The following EP400 variants were observed in gnomAD, a reference collection of about 807,000 sequenced individuals.
EP400 encodes the protein E1A-binding protein p400.
In EP400, 105 loss-of-function variants were observed where a neutral mutation model predicts 354.1. The ratio of observed to expected loss-of-function variants is 0.30; its 90% CI spans 0.25 to 0.35. The LOEUF (loss-of-function observed/expected upper bound fraction) is 0.35. EP400 is among the 10% of genes least tolerant of loss of function. The pLI is 1.00. For missense variants in EP400, 3,280 were observed against 4,121.0 expected (o/e 0.80, Z 5.59); for synonymous variants, 1,646 against 1,716.9 (o/e 0.96, Z 1.02).
At chr12:131,963,432 A>C in intron 2 of EP400, 3 of 815,958 alleles carry the variant, frequency 3.7e-6, no homozygotes, top group Non-Finnish European at 6.0e-6. Flanking sequence ...CCATTTTTAA[A>C]CCCCAAATGT....
intron 13 of EP400, 64 bp downstream of exon 13, chr12:132,005,248 TTAAAA>T (rs1893543372): frequency 8.3e-7 from 1 of 1,200,434 alleles, no homozygotes; most frequent in Non-Finnish European, 1.1e-6. Context: ...TTACAAAGAC[TTAAAA>T]TAAGATTTAG....
Position 131,994,739 on chromosome 12 carries a change from G to A in EP400, c.2738-128G>A, listed in dbSNP as rs1893148058. 1.5e-6 allele frequency: 1 copy of A among 683,652 alleles called. No individual in the cohort carries two copies. The highest frequency in any genetic ancestry group is 3.1e-5 in the Admixed American group (1 of 32,716). 42.3% of individuals were successfully genotyped at this position (683,652 alleles called of 1,614,324 possible). A position where few individuals can be genotyped will look rare whatever the true frequency, so the allele number is the denominator to read the frequency against. On this transcript the variant is annotated intron_variant, in intron 11 of 52. Transcript: ENST00000389561. This position sits in a 1 kb window ranked among gnomAD's most constrained non-coding sequence, Gnocchi z 4.6. Reference sequence around the variant, plus strand: ...CATTTAATTAAATTTAACCTGAGAAGTTTAAAAGCTCAGTTTCAATTTCTG... The same window carrying A: ...CATTTAATTAAATTTAACCTGAGAAATTTAAAAGCTCAGTTTCAATTTCTG...
At chr12:132,015,392 T>C (rs1408913335) in intron 19 of EP400, among the ~76,000 whole-genome samples, 1 of 152,230 alleles carries the variant, frequency 6.6e-6, no homozygotes, top group Non-Finnish European at 1.5e-5. Context: ...TCAGCCTATG[T>C]CAGCTTTGGT....
At chr12:132,051,087 A>G (rs1216548278) in intron 41 of EP400, 1 of 221,336 alleles carries the variant, frequency 4.5e-6, no homozygotes, top group East Asian at 1.1e-4. Context: ...GGATGGGTAC[A>G]GAAGTGGGTA....
At position 132,069,317 on chromosome 12, in the gene EP400, C is replaced by CT. The variant is rs1896000323; in HGVS notation, c.8875-177dup. The CT allele has an allele frequency of 2.1e-5, 18 of 862,226 alleles. No individual in the cohort carries two copies. In the East Asian group the frequency reaches 4.7e-4, roughly 23 times the overall value. 53.4% of individuals were successfully genotyped at this position (862,226 alleles called of 1,614,324 possible). Reference sequence around the variant, plus strand: ...CCATGCCGCATGGGCAGAGGTAGGCCTGGAGGCAGCGGCAGGGATGGGACA... The same window carrying CT: ...CCATGCCGCATGGGCAGAGGTAGGCCTTGGAGGCAGCGGCAGGGATGGGACA... On this transcript the variant is annotated intron_variant, in intron 50 of 52. Transcript: ENST00000389561.
intron 37 of EP400, 69 bp from the exon 38 acceptor site, chr12:132,045,250 T>A: frequency 6.3e-7 from 1 of 1,581,390 alleles, no homozygotes; most frequent in Non-Finnish European, 8.6e-7. Flanking sequence ...ACCTGTTTCC[T>A]TTGTCTTTTG....
intron 19 of EP400, among the ~76,000 whole-genome samples, chr12:132,014,961 C>T (rs1384816660): frequency 1.3e-5 from 2 of 152,214 alleles, no homozygotes; most frequent in Non-Finnish European, 2.9e-5. Flanking sequence ...ATCCTCTGCT[C>T]TGGGTCTCCT....
rs947618454 is a variant in EP400 at position 132,017,174 on chromosome 12, C to T, written c.3924-361C>T. ...GTGTAGGACCAGGCGTCAGAGCTGC[C>T]GAGCGGGTGTGTGAGGGGCTTTACT... is the stretch of plus-strand genomic sequence containing the variant. On this transcript the variant is annotated intron_variant, in intron 19 of 52. Coordinates refer to ENST00000389561, the MANE Select transcript of EP400 (RefSeq NM_015409.5). The surrounding 1 kb of genome is among the most constrained non-coding windows in gnomAD (Gnocchi z 5.0). 2.7e-5 allele frequency among the ~76,000 whole-genome samples: 4 copies of T among 146,960 alleles called. No individual in the cohort carries two copies. The highest frequency in any genetic ancestry group is 1.1e-4 in the African/African-American group (4 of 36,788).
chr12:131,952,164 G>A (rs1271900448), intron 1 of EP400, among the ~76,000 whole-genome samples: 3 of 151,248 alleles, frequency 2.0e-5, no homozygotes, highest in East Asian at 2.0e-4. Flanking sequence ...TTAATCGGGC[G>A]TGGTGGTGGG....
chr12:132,064,800 A>G lies in EP400; in HGVS notation c.8467A>G (p.Ser2823Gly). ...VQTSQPPQQQ[S>G]PQLTTVTAPR... ...GACCTCGCAGCCGCCGCAGCAGCAGAGCCCCCAGCTCACGACGGTCACGGC... is the reference window on the plus strand; with the variant it reads ...GACCTCGCAGCCGCCGCAGCAGCAGGGCCCCCAGCTCACGACGGTCACGGC... The change falls in exon 48 of 53, where the codon AGC becomes GGC. Residue 2823 changes from serine to glycine, a missense_variant. Ser to Gly is a moderately conservative substitution (Grantham distance 56). Coordinates refer to ENST00000389561, the MANE Select transcript of EP400 (RefSeq NM_015409.5). 2 of 1,612,944 alleles carry G rather than the reference A, an allele frequency of 1.2e-6. No individual in the cohort carries two copies. Among genetic ancestry groups the G allele is most frequent in the South Asian group, 2.2e-5 (2 of 91,058 alleles).
Position 132,045,162 on chromosome 12 carries a change from A to G in EP400, c.6785-157A>G, listed in dbSNP as rs78801584. 7.2e-3 allele frequency among the ~76,000 whole-genome samples: 1,089 copies of G among 150,990 alleles called. 35 individuals are homozygous for G. The South Asian group carries it at 0.094, about 13-fold the overall frequency. ...CCTTCGTGTTTCATTCTAATTGACC[A>G]TGAAGGCCCGAAAGCAGGTCTGTCT... On this transcript the variant is annotated intron_variant, in intron 37 of 52. Coordinates refer to ENST00000389561, the MANE Select transcript of EP400 (RefSeq NM_015409.5).
At chr12:132,073,919 G>GTTTTTTTTTTTTTT (rs34186152) in intron 51 of EP400, among the ~76,000 whole-genome samples, 1 of 82,124 alleles carries the variant, frequency 1.2e-5, no homozygotes, top group Non-Finnish European at 2.2e-5. Context: ...GTTTTTTGGG[G>GTTTTTTTTTTTTTT]TTTTTTTTTT....
chr12:131,974,023 C>A (rs1196760774), intron 2 of EP400, among the ~76,000 whole-genome samples: 1 of 146,742 alleles, frequency 6.8e-6, no homozygotes, highest in African/African-American at 2.5e-5. Flanking sequence ...GAGTCTTGCT[C>A]CGTTGCCAGG....
chr12:131,950,924 G>C (rs1891453936), intron 1 of EP400, among the ~76,000 whole-genome samples: 1 of 151,728 alleles, frequency 6.6e-6, no homozygotes, highest in Non-Finnish European at 1.5e-5. Context: ...TTTTGAGAAA[G>C]AGTCTCTCTC....
Position 132,013,675 on chromosome 12 carries a change from T to G in EP400, c.3786+11T>G. On this transcript the variant is annotated intron_variant, in intron 18 of 52. Transcript: ENST00000389561. This position sits in a 1 kb window ranked among gnomAD's most constrained non-coding sequence, Gnocchi z 4.5. The stretch of plus-strand genomic sequence containing the variant: ...ATAAGGTTACACAGGGTAGGTTGGG[T>G]TCTGCCATTTCAGTTAATTAATTAA... The G allele has an allele frequency of 6.2e-7, 1 of 1,605,570 alleles. No individual in the cohort carries two copies. Among genetic ancestry groups the G allele is most frequent in the Non-Finnish European group, 8.5e-7 (1 of 1,174,740 alleles).
chr12:131,986,576 C>T lies in EP400; in HGVS notation c.1992C>T (p.Thr664=). The change falls in exon 6 of 53, where the codon ACC becomes ACT. Residue 664 remains threonine (T), a synonymous_variant. Coordinates refer to ENST00000389561, the MANE Select transcript of EP400 (RefSeq NM_015409.5). ...CGCCCTGCCCACGGCCTCTGCCCAC[C>T]TCTTCTACCTCGTCCCTCGCGCCTG... The part of the protein sequence containing the change: ...PAPPCPRPLP[T]SSTSSLAPVS... 2 of 1,614,016 alleles carry T rather than the reference C, an allele frequency of 1.2e-6. No individual in the cohort carries two copies. Among genetic ancestry groups the T allele is most frequent in the Non-Finnish European group, 1.7e-6 (2 of 1,179,962 alleles).
intron 16 of EP400, among the ~76,000 whole-genome samples, chr12:132,011,869 C>G (rs1893778382): frequency 6.6e-6 from 1 of 152,186 alleles, no homozygotes; most frequent in Non-Finnish European, 1.5e-5. Context: ...GCACAGATCT[C>G]AGTGTCACTG....
chr12:132,031,846 C>T (rs543579311), intron 29 of EP400, 107 bp from the exon 30 acceptor site: 31 of 1,241,122 alleles, frequency 2.5e-5, no homozygotes, highest in South Asian at 1.7e-4. Flanking sequence ...TGAGCCGCCA[C>T]GCCCGGCCTG....
intron 47 of EP400, 54 bp downstream of exon 47, chr12:132,062,755 A>T: frequency 6.2e-7 from 1 of 1,600,338 alleles, no homozygotes; most frequent in Non-Finnish European, 8.5e-7. Flanking sequence ...CAGTCAGCCC[A>T]GCGTCTGTGA....
Sources: allele counts gnomAD v4.1 joint callset (sites outside exome capture counted in the v4.1 genomes callset), GRCh38; gene constraint gnomAD v4.1.1; non-coding constraint Gnocchi (gnomAD v3.1); transcripts MANE v1.5; gene names NCBI Gene and HGNC (gene_info 2026-07-23, HGNC 2026-07-21).